The following SH2B1 variants were observed in gnomAD, a reference collection of about 807,000 sequenced individuals.
The protein encoded by SH2B1 is SH2B adaptor protein 1.
A neutral mutation model predicts 62.6 loss-of-function variants in SH2B1; 15 were observed. The ratio of observed to expected loss-of-function variants is 0.24; its 90% CI spans 0.16 to 0.37. The LOEUF is 0.37. Among genes scored for constraint, SH2B1 ranks in the 10% least tolerant of loss-of-function variants. The pLI, the probability that SH2B1 is intolerant of heterozygous loss-of-function variation, is 1.00. For synonymous variants in SH2B1, 443 were observed against 438.0 expected, an observed-to-expected ratio of 1.01 and a Z score of -0.14; for missense variants, 925 against 1,015.6, an observed-to-expected ratio of 0.91 and a Z score of 1.21.
chr16:28,868,776 A>AT (rs897147515), intron 2 of SH2B1, among the ~76,000 whole-genome samples: 2 of 151,486 alleles, frequency 1.3e-5, no homozygotes, highest in Non-Finnish European at 2.9e-5. Context: ...TTATTTTTCA[A>AT]TTTTTTTAGA....
At chr16:28,863,828 C>T, upstream of SH2B1, 2 of 1,534,040 alleles carry the variant, frequency 1.3e-6, no homozygotes, top group Admixed American at 2.0e-5. Context: ...GAAAGGGGGT[C>T]CTGACGCCTG....
upstream of SH2B1, among the ~76,000 whole-genome samples, chr16:28,859,884 T>A (rs1404283271): frequency 8.6e-6 from 1 of 116,284 alleles, no homozygotes. Flanking sequence ...CCCCCCCGGC[T>A]GTTTTCATGT....
Position 28,866,451 on chromosome 16 carries a change from G to T in SH2B1, c.357G>T (p.Val119=). The T allele has an allele frequency of 6.2e-7, 1 of 1,613,892 alleles. No individual in the cohort carries two copies. Among genetic ancestry groups the T allele is most frequent in the Non-Finnish European group, 8.5e-7 (1 of 1,179,992 alleles). ...ESCRVGGPLA[V]LGPSRSSEDL... ...GCAGGGTGGGTGGGCCCCTGGCTGT[G>T]CTGGGCCCTTCTCGATCATCTGAGG... is the stretch of plus-strand genomic sequence containing the variant. The change falls in exon 1 of 8, where the codon GTG becomes GTT. Residue 119 remains valine, a synonymous_variant. Coordinates refer to ENST00000684370, the MANE Select transcript of SH2B1 (RefSeq NM_001387430.1). The surrounding 1 kb of genome is among the most constrained non-coding windows in gnomAD (Gnocchi z 6.3).
At position 28,852,984 on chromosome 16, in the gene SH2B1, TTATATGTACATA is replaced by T. The variant is rs1186390946; in HGVS notation, c.-301+6175_-301+6186del. ...GTACATATATATGTACATATATATT[TTATATGTACATA>T]TATATGTACATATATATTTATATAT... On this transcript the variant is annotated intron_variant, in intron 1 of 10. Transcript: ENST00000322610. Among the ~76,000 whole-genome samples, 7 of 25,750 alleles carry T rather than the reference TTATATGTACATA, an allele frequency of 2.7e-4. No homozygotes were observed. In the South Asian group the frequency reaches 0.012, roughly 46 times the overall value. 16.9% of individuals were successfully genotyped at this position (25,750 alleles called of 152,430 possible). A position where few individuals can be genotyped will look rare whatever the true frequency, so the allele number is the denominator to read the frequency against.
Position 28,849,148 on chromosome 16 carries a change from G to C in SH2B1, c.-301+2321G>C, listed in dbSNP as rs536457495. 2.5e-3 allele frequency among the ~76,000 whole-genome samples: 384 copies of C among 152,182 alleles called. 2 individuals carry two copies. Among genetic ancestry groups the C allele is most frequent in the Non-Finnish European group, 3.1e-3 (210 of 68,004 alleles). On this transcript the variant is annotated intron_variant, in intron 1 of 10. Coordinates refer to the SH2B1 transcript ENST00000322610. ...TGACAGAGCCTTGCTGGGTCTCCTA[G>C]GCTGGAGCATAGTAGGGCAGTCACA... is the stretch of plus-strand genomic sequence containing the variant.
upstream of SH2B1, chr16:28,862,892 A>C (rs916418438): frequency 2.0e-5 from 3 of 151,334 alleles, no homozygotes; most frequent in African/African-American, 7.3e-5. Flanking sequence ...GGCTGGGATT[A>C]CAGGCGTGAG....
chr16:28,855,043 T>C (rs1280550953), intron 1 of SH2B1, among the ~76,000 whole-genome samples: 1 of 151,568 alleles, frequency 6.6e-6, no homozygotes, highest in Non-Finnish European at 1.5e-5. Flanking sequence ...ACCCTGCTAA[T>C]TTTTGTATTT....
upstream of SH2B1, among the ~76,000 whole-genome samples, chr16:28,860,619 T>A (rs922297051): frequency 6.6e-5 from 10 of 152,216 alleles, no homozygotes; most frequent in Admixed American, 6.5e-4. Context: ...TCTCACCAAG[T>A]CACGCAGCAG....
In SH2B1 at chr16:28,865,565, CT is replaced by C; in HGVS notation, c.-526del. ...AAACAGTAGACTTGGAGTTCTGAAA[CT>C]TTTCTGAGCTTCGGTTTCCTCATCT... On this transcript the variant is annotated 5_prime_UTR_variant, in exon 1 of 8. Transcript: ENST00000684370. 1 of 985,650 alleles carries C rather than the reference CT, an allele frequency of 1.0e-6. No homozygotes were observed. The highest frequency in any genetic ancestry group is 1.2e-6 in the Non-Finnish European group (1 of 830,060). The allele number at this position is 985,650 out of a possible 1,614,324, so 61.1% of individuals were successfully genotyped here.
intron 1 of SH2B1, among the ~76,000 whole-genome samples, chr16:28,856,265 T>A (rs1596613489): frequency 8.8e-6 from 1 of 113,064 alleles, no homozygotes; most frequent in African/African-American, 3.4e-5. Flanking sequence ...CGTGCAAGAC[T>A]CCATCTCAAA....
In SH2B1 at chr16:28,869,165, C is replaced by T. The variant is rs1962894367; in HGVS notation, c.1134-43C>T. On this transcript the variant is annotated intron_variant, in intron 3 of 7. Transcript: ENST00000684370. ...TTGGGGAGCAGCCTTGCGCCTCTCA[C>T]CTGGTGACTTTCCTCCCAGCACCAT... 5.0e-6 allele frequency: 8 copies of T among 1,613,668 alleles called. No homozygotes were observed. In the African/African-American group the frequency reaches 5.3e-5, roughly 11 times the overall value.
At chr16:28,854,011 A>G (rs1962267297) in intron 1 of SH2B1, among the ~76,000 whole-genome samples, 1 of 150,316 alleles carries the variant, frequency 6.7e-6, no homozygotes, top group Admixed American at 6.7e-5. Context: ...CAAAAAAAAA[A>G]AAAAAAAAAA....
chr16:28,871,793 C>T lies in SH2B1; in HGVS notation c.1323C>T (p.Gly441=). Residue 441 remains glycine (G), a synonymous_variant, in exon 5 of 8, where the codon GGC becomes GGT. Transcript: ENST00000684370. ...TTTTTTTTCCAGGGGCATATGGGGG[C>T]CTCTCAGACCGCCCCTCGGCATCCA... ...NDRLSQGAYG[G]LSDRPSASIS... The T allele has an allele frequency of 6.2e-7, 1 of 1,613,768 alleles. No homozygotes were observed. The highest frequency in any genetic ancestry group is 8.5e-7 in the Non-Finnish European group (1 of 1,179,782).
Position 28,867,442 on chromosome 16 carries a change from C to G in SH2B1, c.1041+10C>G. On this transcript the variant is annotated intron_variant, in intron 2 of 7. Coordinates refer to ENST00000684370, the MANE Select transcript of SH2B1 (RefSeq NM_001387430.1). ...CACGTTTGTGGTTAAGGTAGGAATT[C>G]AACTTCCCAGCCGCCGGCAGTGCTT... The G allele has an allele frequency of 6.2e-7, 1 of 1,601,364 alleles. No homozygotes were observed. The highest frequency in any genetic ancestry group is 8.6e-7 in the Non-Finnish European group (1 of 1,168,386).
Position 28,864,045 on chromosome 16 carries a change from G to A in SH2B1, c.-2050G>A, listed in dbSNP as rs1962548889. 1 of 1,378,030 alleles carries A rather than the reference G, an allele frequency of 7.3e-7. No homozygotes were observed. The highest frequency in any genetic ancestry group is 1.5e-5 in the South Asian group (1 of 66,338). 85.4% of individuals were successfully genotyped at this position (1,378,030 alleles called of 1,614,324 possible). A position where few individuals can be genotyped will look rare whatever the true frequency, so the allele number is the denominator to read the frequency against. ...ATTCCTGGGTGGGGGTGGGCGTGGA[G>A]GGCCGGGGGCTGGAGAGGCACTCGG... is the stretch of plus-strand genomic sequence containing the variant. On this transcript the variant is annotated 5_prime_UTR_variant, in exon 1 of 8. Transcript: ENST00000684370.
intron 1 of SH2B1, among the ~76,000 whole-genome samples, chr16:28,851,456 CTTCT>C (rs1962097272): frequency 1.4e-5 from 2 of 138,276 alleles, no homozygotes; most frequent in African/African-American, 5.2e-5. Flanking sequence ...CAACGCCTTT[CTTCT>C]TTTTTTTTTT....
chr16:28,870,587 G>A (rs1391956157), intron 4 of SH2B1, among the ~76,000 whole-genome samples: 1 of 152,076 alleles, frequency 6.6e-6, no homozygotes, highest in Non-Finnish European at 1.5e-5. Flanking sequence ...CATCTTTGAT[G>A]CCTCTTAAGA....
chr16:28,852,984 TTATATGTACA>T lies in SH2B1; in HGVS notation c.-301+6163_-301+6172del, dbSNP rs1265469052. Among the ~76,000 whole-genome samples the T allele has an allele frequency of 9.9e-3, 253 of 25,502 alleles. 2 individuals carry two copies. The highest frequency in any genetic ancestry group is 0.068 in the South Asian group (16 of 234). The allele number at this position is 25,502 out of a possible 152,430, so 16.7% of individuals were successfully genotyped here. On this transcript the variant is annotated intron_variant, in intron 1 of 10. Transcript: ENST00000322610. ...GTACATATATATGTACATATATATTTTATATGTACATATATATGTACATATATATTTATAT... is the reference window on the plus strand; with the variant it reads ...GTACATATATATGTACATATATATTTTATATATGTACATATATATTTATAT...
rs1962648952 is a variant in SH2B1 at position 28,865,722 on chromosome 16, C to T, written c.-373C>T. Reference sequence around the variant, plus strand: ...AGAGGGGGGGTGATCTGGAAAAGTTCCCTTTTTTAGGGGGAAGGTGCTCCA... The same window carrying T: ...AGAGGGGGGGTGATCTGGAAAAGTTTCCTTTTTTAGGGGGAAGGTGCTCCA... On this transcript the variant is annotated 5_prime_UTR_variant, in exon 1 of 8. Coordinates refer to ENST00000684370, the MANE Select transcript of SH2B1 (RefSeq NM_001387430.1). 1.9e-6 allele frequency: 2 copies of T among 1,030,970 alleles called. No homozygotes were observed. Among genetic ancestry groups the T allele is most frequent in the African/African-American group, 3.4e-5 (2 of 58,758 alleles). The allele number at this position is 1,030,970 out of a possible 1,614,324, so 63.9% of individuals were successfully genotyped here.
Sources: allele counts gnomAD v4.1 joint callset (sites outside exome capture counted in the v4.1 genomes callset), GRCh38; gene constraint gnomAD v4.1.1; non-coding constraint Gnocchi (gnomAD v3.1); transcripts MANE v1.5; gene names NCBI Gene and HGNC (gene_info 2026-07-23, HGNC 2026-07-21).